Variants in SIAH2 observed in about 807,000 individuals in gnomAD.
The protein encoded by SIAH2 is siah E3 ubiquitin protein ligase 2.
SIAH2 carries 4 observed loss-of-function variants against 20.4 expected under a neutral mutation model. That is an observed-to-expected ratio of 0.20 (90% CI 0.10 to 0.45). SIAH2 has a LOEUF of 0.45. Among genes scored for constraint, SIAH2 ranks in the 20% least tolerant of loss-of-function variants. SIAH2 has a pLI of 0.99. For missense variants in SIAH2, 259 were observed against 440.3 expected (o/e 0.59, Z 3.69); for synonymous variants, 171 against 192.5 (o/e 0.89, Z 0.93).
At chr3:150,757,211 G>T (rs1354016561) in intron 1 of SIAH2, among the ~76,000 whole-genome samples, 1 of 152,158 alleles carries the variant, frequency 6.6e-6, no homozygotes, top group Non-Finnish European at 1.5e-5. Flanking sequence ...GAGAACCCAG[G>T]TCTTCTGTTT....
At chr3:150,748,771 ACTTT>A (rs1258008583) in intron 1 of SIAH2, among the ~76,000 whole-genome samples, 1 of 152,262 alleles carries the variant, frequency 6.6e-6, no homozygotes, top group Non-Finnish European at 1.5e-5. Flanking sequence ...AGCAAATGGC[ACTTT>A]CTTTCAACCT....
intron 1 of SIAH2, among the ~76,000 whole-genome samples, chr3:150,751,694 G>A (rs752906292): frequency 3.3e-5 from 5 of 152,136 alleles, no homozygotes; most frequent in Non-Finnish European, 7.4e-5. Flanking sequence ...TTACTAAGAG[G>A]TGTCTTGGGA....
At chr3:150,757,740 G>C (rs149457557) in intron 1 of SIAH2, among the ~76,000 whole-genome samples, 18 of 152,214 alleles carry the variant, frequency 1.2e-4, no homozygotes, top group South Asian at 4.1e-4. Flanking sequence ...CAGCACTTTG[G>C]GGGGCCGAGA....
chr3:150,762,866 C>A lies in SIAH2; in HGVS notation c.-17G>T. The A allele has an allele frequency of 1.7e-6, 2 of 1,193,484 alleles. No homozygotes were observed. The highest frequency in any genetic ancestry group is 7.8e-5 in the East Asian group (2 of 25,610). The allele number at this position is 1,193,484 out of a possible 1,614,324, so 73.9% of individuals were successfully genotyped here. A position where few individuals can be genotyped will look rare whatever the true frequency, so the allele number is the denominator to read the frequency against. On this transcript the variant is annotated 5_prime_UTR_variant, in exon 1 of 2. An upstream start codon of the reference 5' UTR is lost. Coordinates refer to ENST00000312960, the MANE Select transcript of SIAH2 (RefSeq NM_005067.7). This position sits in a 1 kb window ranked among gnomAD's most constrained non-coding sequence, Gnocchi z 6.6. ...GCGGCTCATCGCGCTCCGAACCAAC[C>A]ATGGAACTGCGGGCGCCTGCCTGCC...
At chr3:150,760,211 A>G (rs1443418571) in intron 1 of SIAH2, among the ~76,000 whole-genome samples, 1 of 152,178 alleles carries the variant, frequency 6.6e-6, no homozygotes, top group African/African-American at 2.4e-5. Context: ...AATAGTTTGG[A>G]TTATTGATCA....
At chr3:150,751,406 A>C (rs1714360099) in intron 1 of SIAH2, among the ~76,000 whole-genome samples, 1 of 151,008 alleles carries the variant, frequency 6.6e-6, no homozygotes, top group Non-Finnish European at 1.5e-5. Context: ...CCTGGGTGAC[A>C]GAGAGAGACT....
In SIAH2 at chr3:150,742,977, C is replaced by T. The variant is rs984583758; in HGVS notation, c.418-279G>A. On this transcript the variant is annotated intron_variant, in intron 1 of 1. Transcript: ENST00000312960. The surrounding 1 kb of genome is among the most constrained non-coding windows in gnomAD (Gnocchi z 4.8). ...AGGGATCAGAACTAAAGTTCTCTTA[C>T]TGTGCACATCTCAAAATTGTTGAGC... 2.6e-5 allele frequency among the ~76,000 whole-genome samples: 4 copies of T among 152,228 alleles called. No individual in the cohort carries two copies. Among genetic ancestry groups the T allele is most frequent in the African/African-American group, 9.6e-5 (4 of 41,452 alleles).
chr3:150,752,502 G>A (rs1478998899), intron 1 of SIAH2, among the ~76,000 whole-genome samples: 1 of 152,044 alleles, frequency 6.6e-6, no homozygotes, highest in Non-Finnish European at 1.5e-5. Context: ...CCAGCTAATC[G>A]GGAGGCTGAG....
chr3:150,755,602 G>A lies in SIAH2; in HGVS notation c.417+6831C>T, dbSNP rs527465593. 7.8e-4 allele frequency among the ~76,000 whole-genome samples: 118 copies of A among 152,112 alleles called. 1 individual carries two copies. The highest frequency in any genetic ancestry group is 2.8e-3 in the African/African-American group (116 of 41,478). On this transcript the variant is annotated intron_variant, in intron 1 of 1. Coordinates refer to ENST00000312960, the MANE Select transcript of SIAH2 (RefSeq NM_005067.7). ...GCGATCTCAGCTCACCACAACCTCC[G>A]CCTCCTGGGTTCAAGTGATTCTCCT... is the stretch of plus-strand genomic sequence containing the variant.
chr3:150,760,793 A>T (rs190661955), intron 1 of SIAH2, among the ~76,000 whole-genome samples: 57 of 152,378 alleles, frequency 3.7e-4, no homozygotes, highest in Non-Finnish European at 6.5e-4. Flanking sequence ...ATATATCTCA[A>T]GCATCAAATA....
intron 1 of SIAH2, among the ~76,000 whole-genome samples, chr3:150,758,063 C>G (rs1330456054): frequency 6.6e-6 from 1 of 152,134 alleles, no homozygotes; most frequent in Non-Finnish European, 1.5e-5. Flanking sequence ...CATGGCCCTC[C>G]TCCCATTTAG....
At chr3:150,755,275 T>C (rs1415694732) in intron 1 of SIAH2, among the ~76,000 whole-genome samples, 1 of 151,290 alleles carries the variant, frequency 6.6e-6, no homozygotes, top group Non-Finnish European at 1.5e-5. Context: ...AAGCAGTGCA[T>C]AGGCCGGCGC....
At chr3:150,758,438 A>T (rs1714531788) in intron 1 of SIAH2, among the ~76,000 whole-genome samples, 1 of 151,896 alleles carries the variant, frequency 6.6e-6, no homozygotes. Flanking sequence ...TTCTCCCCCT[A>T]AACCCACACA....
intron 1 of SIAH2, among the ~76,000 whole-genome samples, chr3:150,745,182 T>C (rs1485639882): frequency 6.6e-6 from 1 of 152,008 alleles, no homozygotes; most frequent in African/African-American, 2.4e-5. Context: ...GTAAGGTTCA[T>C]GTCTTCATAA....
intron 1 of SIAH2, among the ~76,000 whole-genome samples, chr3:150,753,997 A>G (rs1020156084): frequency 3.3e-5 from 5 of 152,230 alleles, no homozygotes; most frequent in Non-Finnish European, 7.3e-5. Context: ...TAACTCTGGT[A>G]CTGTTATAGA....
At chr3:150,747,964 C>CAAA (rs58478348) in intron 1 of SIAH2, among the ~76,000 whole-genome samples, 2,296 of 56,612 alleles carry the variant, frequency 0.041, 121 homozygotes, top group African/African-American at 0.1. Context: ...AACGCCATCT[C>CAAA]AAAAAAAAAA....
chr3:150,745,812 G>T (rs984827771), intron 1 of SIAH2, among the ~76,000 whole-genome samples: 1 of 152,114 alleles, frequency 6.6e-6, no homozygotes, highest in Non-Finnish European at 1.5e-5. Context: ...GTGTTTTCTT[G>T]AAGAGCTCCA....
intron 1 of SIAH2, among the ~76,000 whole-genome samples, chr3:150,746,888 C>T (rs1714225649): frequency 6.6e-6 from 1 of 152,344 alleles, no homozygotes; most frequent in Admixed American, 6.5e-5. Context: ...AGAACATGAT[C>T]GCTAGCAAAG....
intron 1 of SIAH2, among the ~76,000 whole-genome samples, chr3:150,747,820 CG>C (rs1714256631): frequency 6.6e-6 from 1 of 151,738 alleles, no homozygotes; most frequent in Admixed American, 6.6e-5. Context: ...AAAAATTAGC[CG>C]GTTGTGGTGG....
Sources: gnomAD v4.1 joint callset for allele counts (sites outside exome capture counted in the v4.1 genomes callset) on GRCh38, gnomAD v4.1.1 for gene constraint, Gnocchi (gnomAD v3.1) non-coding constraint, MANE v1.5 for transcripts, NCBI Gene and HGNC (gene_info 2026-07-23, HGNC 2026-07-21) for gene names.